The following ANGPTL4 variants were observed in gnomAD, a reference collection of about 807,000 sequenced individuals.
ANGPTL4 encodes angiopoietin-related protein 4.
Under a neutral mutation model 39.2 loss-of-function variants are expected in ANGPTL4, and 39 were observed. The observed-to-expected ratio is 1.00, with a 90% CI of 0.77 to 1.30. The LOEUF (loss-of-function observed/expected upper bound fraction) is 1.30. ANGPTL4 is among the 50% of genes most tolerant of loss of function. ANGPTL4 has a pLI of 0.00. For missense variants in ANGPTL4, 545 were observed against 549.8 expected (o/e 0.99, Z 0.09); for synonymous variants, 233 against 229.5 (o/e 1.02, Z -0.14).
At position 8,364,395 on chromosome 19, in the gene ANGPTL4, G is replaced by A. The variant is rs1299216887; in HGVS notation, c.74G>A (p.Gly25Asp). The change falls in exon 1 of 7, where the codon GGC becomes GAC. Residue 25 changes from glycine to aspartate, a missense_variant. Transcript: ENST00000301455. ...ACCGCCGTGCTACTGAGCGCTCAGG[G>A]CGGACCCGTGCAGTCCAAGTCGCCG... is the stretch of plus-strand genomic sequence containing the variant. ...AATAVLLSAQGGPVQSKSPRF... is the reference protein window; with the variant it reads ...AATAVLLSAQDGPVQSKSPRF... The A allele has an allele frequency of 1.3e-6, 2 of 1,546,166 alleles. No homozygotes were observed. The highest frequency in any genetic ancestry group is 1.9e-5 in the Admixed American group (1 of 51,382).
rs757509925 is a variant in ANGPTL4 at position 8,374,197 on chromosome 19, G to A, written c.*311G>A. 2.6e-6 allele frequency: 1 copy of A among 391,040 alleles called. No individual in the cohort carries two copies. The highest frequency in any genetic ancestry group is 4.8e-6 in the Non-Finnish European group (1 of 207,202). 24.2% of individuals were successfully genotyped at this position (391,040 alleles called of 1,614,324 possible). A position where few individuals can be genotyped will look rare whatever the true frequency, so the allele number is the denominator to read the frequency against. On this transcript the variant is annotated 3_prime_UTR_variant, in exon 7 of 7. Transcript: ENST00000301455. ...GGACCACTTGGGGCCAGCCAGACTG[G>A]CCTCAATGGCGGACTCAGTCACATT...
intron 3 of ANGPTL4, among the ~76,000 whole-genome samples, chr19:8,367,449 A>C (rs1034619126): frequency 6.6e-6 from 1 of 152,036 alleles, no homozygotes; most frequent in Non-Finnish European, 1.5e-5. Context: ...CATGGAAGCC[A>C]CACTGGTGGT....
intron 3 of ANGPTL4, 132 bp from the exon 4 acceptor site, chr19:8,369,087 G>C: frequency 1.5e-6 from 1 of 672,588 alleles, no homozygotes; most frequent in East Asian, 2.8e-5. Flanking sequence ...ATGGCAGAGA[G>C]GTGGTCATGA....
In ANGPTL4 at chr19:8,369,303, C is replaced by T; in HGVS notation, c.632C>T (p.Pro211Leu). Residue 211 changes from proline to leucine, a missense_variant, in exon 4 of 7, where the codon CCA becomes CTA. Transcript: ENST00000301455. ...GAAATCCAGCCTCAGGGGTCTCCGC[C>T]ATTTTTGGTGAACTGCAAGATGACC... ...LFEIQPQGSP[P>L]FLVNCKMTSD... 1.2e-6 allele frequency: 2 copies of T among 1,612,132 alleles called. No individual in the cohort carries two copies. Among genetic ancestry groups the T allele is most frequent in the Non-Finnish European group, 1.7e-6 (2 of 1,179,710 alleles).
intron 1 of ANGPTL4, among the ~76,000 whole-genome samples, chr19:8,364,966 C>T (rs1377590239): frequency 6.6e-6 from 1 of 152,096 alleles, no homozygotes; most frequent in Non-Finnish European, 1.5e-5. Flanking sequence ...CACCTGCTGT[C>T]GAGACTAGCC....
intron 6 of ANGPTL4, among the ~76,000 whole-genome samples, chr19:8,373,287 C>T (rs1599675154): frequency 6.6e-6 from 1 of 152,094 alleles, no homozygotes; most frequent in East Asian, 1.9e-4. Context: ...TGCCTGTAAT[C>T]CCGGCTACTC....
intron 4 of ANGPTL4, among the ~76,000 whole-genome samples, chr19:8,370,754 C>A (rs927680720): frequency 1.3e-5 from 2 of 151,172 alleles, no homozygotes; most frequent in African/African-American, 4.9e-5. Context: ...AAGTCCTTTC[C>A]ATTACAAGAG....
At position 8,364,362 on chromosome 19, in the gene ANGPTL4, G is replaced by C. The variant is rs751429634; in HGVS notation, c.41G>C (p.Cys14Ser). Residue 14 changes from cysteine (C) to serine (S), a missense_variant, in exon 1 of 7, where the codon TGC (cysteine) becomes TCC (serine). By Grantham distance (112) the Cys-to-Ser change is moderately radical. Transcript: ENST00000301455. ...ACGGCCGGGGCAGCCCTGATGCTCT[G>C]CGCCGCCACCGCCGTGCTACTGAGC... ...APTAGAALML[C>S]AATAVLLSAQ... 2 of 1,548,950 alleles carry C rather than the reference G, an allele frequency of 1.3e-6. No individual in the cohort carries two copies.
chr19:8,369,238 G>A lies in ANGPTL4; in HGVS notation c.567G>A (p.Gln189=). ...SRLHRLPRDC[Q]ELFQVGERQS... ...CTTCAGGGCTGCCCAGGGATTGCCAGGAGCTGTTCCAGGTTGGGGAGAGGC... is the reference window on the plus strand; with the variant it reads ...CTTCAGGGCTGCCCAGGGATTGCCAAGAGCTGTTCCAGGTTGGGGAGAGGC... The change falls in exon 4 of 7, where the codon CAG becomes CAA. Residue 189 remains glutamine (Q), a synonymous_variant. Coordinates refer to ENST00000301455, the MANE Select transcript of ANGPTL4 (RefSeq NM_139314.3). 1 of 1,611,542 alleles carries A rather than the reference G, an allele frequency of 6.2e-7. No homozygotes were observed. Among genetic ancestry groups the A allele is most frequent in the Non-Finnish European group, 8.5e-7 (1 of 1,179,742 alleles).
rs3183953 is a variant in ANGPTL4, at chr19:8,373,745, C to T, written c.1080C>T (p.Asn360=). 6,964 of 1,613,978 alleles carry T rather than the reference C, an allele frequency of 4.3e-3. 256 individuals are homozygous for T. The African/African-American group carries it at 0.081, about 19-fold the overall frequency. ...WFGTCSHSNL[N]GQYFRSIPQQ... is the part of the protein sequence containing the mutation. ...GCACCTGCAGCCATTCCAACCTCAA[C>T]GGCCAGTACTTCCGCTCCATCCCAC... The change falls in exon 7 of 7, where the codon AAC becomes AAT. Residue 360 remains asparagine, a synonymous_variant. Coordinates refer to ENST00000301455, the MANE Select transcript of ANGPTL4 (RefSeq NM_139314.3).
At chr19:8,373,426 C>A (rs1361012942) in intron 6 of ANGPTL4, among the ~76,000 whole-genome samples, 3 of 151,606 alleles carry the variant, frequency 2.0e-5, no homozygotes, top group Non-Finnish European at 4.4e-5. Flanking sequence ...CAAAAATTAG[C>A]CAGGTGTGGT....
chr19:8,370,657 G>A (rs535383853), intron 4 of ANGPTL4, among the ~76,000 whole-genome samples: 38 of 149,610 alleles, frequency 2.5e-4, no homozygotes, highest in Non-Finnish European at 5.0e-4. Context: ...CTGAGATTGC[G>A]GCACTGCGAT....
rs1265509212 is a variant in ANGPTL4 at position 8,366,355 on chromosome 19, C to T, written c.547+36C>T. ...GCCCCTCGATGCTCTCCGGTGGCCA[C>T]CCCTACCCCGCCACTTGCCATTGCT... On this transcript the variant is annotated intron_variant, in intron 3 of 6. Coordinates refer to ENST00000301455, the MANE Select transcript of ANGPTL4 (RefSeq NM_139314.3). 6.3e-6 allele frequency: 10 copies of T among 1,597,744 alleles called. No individual in the cohort carries two copies. The Admixed American group carries it at 8.3e-5, about 13-fold the overall frequency.
rs1264197315 is a variant in ANGPTL4 at position 8,364,331 on chromosome 19, G to A, written c.10G>A (p.Ala4Thr). 1.9e-6 allele frequency: 3 copies of A among 1,544,788 alleles called. No individual in the cohort carries two copies. The highest frequency in any genetic ancestry group is 3.9e-5 in the Admixed American group (2 of 51,920). The change falls in exon 1 of 7, where the codon GCT (alanine) becomes ACT (threonine). Residue 4 changes from alanine to threonine, a missense_variant. Coordinates refer to ENST00000301455, the MANE Select transcript of ANGPTL4 (RefSeq NM_139314.3). MSGAPTAGAALMLC... is the reference protein window; with the variant it reads MSGTPTAGAALMLC... The stretch of plus-strand genomic sequence containing the variant: ...CAGGCTACCTAAGAGGATGAGCGGT[G>A]CTCCGACGGCCGGGGCAGCCCTGAT...
chr19:8,373,619 T>C, intron 6 of ANGPTL4, 86 bp from the exon 7 acceptor site: 1 of 1,583,180 alleles, frequency 6.3e-7, no homozygotes, highest in South Asian at 1.1e-5. Context: ...CCAACCTGCC[T>C]CATCCTCAAC....
At chr19:8,373,138 G>A (rs1971157391) in intron 6 of ANGPTL4, among the ~76,000 whole-genome samples, 1 of 151,124 alleles carries the variant, frequency 6.6e-6, no homozygotes, top group Admixed American at 6.6e-5. Context: ...GGCGCAGTGG[G>A]TCATACCTGT....
chr19:8,364,987 G>A (rs919161191), intron 1 of ANGPTL4, among the ~76,000 whole-genome samples: 1 of 152,114 alleles, frequency 6.6e-6, no homozygotes, highest in Non-Finnish European at 1.5e-5. Flanking sequence ...TGGCCAACAT[G>A]GAGAAACCTC....
At chr19:8,364,862 TACAC>T (rs34409703) in intron 1 of ANGPTL4, among the ~76,000 whole-genome samples, 3,591 of 149,044 alleles carry the variant, frequency 0.024, 132 homozygotes, top group African/African-American at 0.083. Context: ...CCGTCTCTTC[TACAC>T]ACACACACAC....
chr19:8,366,001 G>T lies in ANGPTL4; in HGVS notation c.366G>T (p.Lys122Asn), dbSNP rs1245211166. The T allele has an allele frequency of 6.2e-7, 1 of 1,614,104 alleles. No individual in the cohort carries two copies. Among genetic ancestry groups the T allele is most frequent in the South Asian group, 1.1e-5 (1 of 91,076 alleles). Residue 122 changes from lysine (K) to asparagine (N), a missense_variant, in exon 2 of 7, where the codon AAG (lysine) becomes AAT (asparagine). By Grantham distance (94) the Lys-to-Asn change is moderately conservative (BLOSUM62 0). Transcript: ENST00000301455. Reference sequence around the variant, plus strand: ...GCAGGATCCAGCAACTCTTCCACAAGGTGGCCCAGCAGCAGCGGCACCTGG... The same window carrying T: ...GCAGGATCCAGCAACTCTTCCACAATGTGGCCCAGCAGCAGCGGCACCTGG... The part of the protein sequence containing the change: ...QNSRIQQLFH[K>N]VAQQQRHLEK...
Sources: allele counts gnomAD v4.1 joint callset (sites outside exome capture counted in the v4.1 genomes callset), GRCh38; gene constraint gnomAD v4.1.1; transcripts MANE v1.5; gene names NCBI Gene and HGNC (gene_info 2026-07-23, HGNC 2026-07-21).